DUSP5: variants seen among roughly 807,000 people sequenced by gnomAD.
The protein encoded by DUSP5 is dual specificity protein phosphatase 5.
Under a neutral mutation model 33.6 loss-of-function variants are expected in DUSP5, and 22 were observed. That is an observed-to-expected ratio of 0.66 (90% CI 0.47 to 0.94). DUSP5 has a LOEUF of 0.94. DUSP5 is among the 40% of genes least tolerant of loss of function. DUSP5 has a pLI of 0.00. For synonymous variants in DUSP5, 270 were observed against 231.1 expected (o/e 1.17, Z -1.53); for missense variants, 551 against 522.1 (o/e 1.06, Z -0.54).
chr10:110,503,125 C>G (rs991312860), intron 2 of DUSP5, among the ~76,000 whole-genome samples: 1 of 152,148 alleles, frequency 6.6e-6, no homozygotes, highest in Non-Finnish European at 1.5e-5. Context: ...TGCTTGGCAG[C>G]TTCTGGGGAA....
At chr10:110,499,301 C>CTT (rs1201421883) in intron 1 of DUSP5, among the ~76,000 whole-genome samples, 1 of 152,174 alleles carries the variant, frequency 6.6e-6, no homozygotes. Flanking sequence ...ATAACTTTGG[C>CTT]TTCTGGTGGT....
intron 2 of DUSP5, 38 bp downstream of exon 2, chr10:110,502,907 A>T (rs780380758): frequency 6.2e-7 from 1 of 1,611,198 alleles, no homozygotes. Flanking sequence ...CCTGAGTGGT[A>T]TTCTGGGCTC....
chr10:110,498,364 C>A lies in DUSP5; in HGVS notation c.243C>A (p.Gly81=). 1 of 1,399,604 alleles carries A rather than the reference C, an allele frequency of 7.1e-7. No homozygotes were observed. Among genetic ancestry groups the A allele is most frequent in the African/African-American group, 1.5e-5 (1 of 67,364 alleles). The allele number at this position is 1,399,604 out of a possible 1,614,324, so 86.7% of individuals were successfully genotyped here. Reference sequence around the variant, plus strand: ...CGCGGCTCCTGCAGGAGGGCGGCGGCGGCGTCGCGGCCGTGGTGGTGCTGG... The same window carrying A: ...CGCGGCTCCTGCAGGAGGGCGGCGGAGGCGTCGCGGCCGTGGTGGTGCTGG... ...ARARLLQEGG[G]GVAAVVVLDQ... is the part of the protein sequence containing the mutation. The change falls in exon 1 of 4, where the codon GGC becomes GGA. Residue 81 remains glycine (G), a synonymous_variant. Coordinates refer to ENST00000369583, the MANE Select transcript of DUSP5 (RefSeq NM_004419.4).
At chr10:110,498,761 T>TGCTGCTGTTTAGCAGTTTGGGGGCC (rs1859998121) in intron 1 of DUSP5, among the ~76,000 whole-genome samples, 2 of 152,032 alleles carry the variant, frequency 1.3e-5, no homozygotes, top group African/African-American at 4.8e-5. Context: ...CTGCGGGGGC[T>TGCTGCTGTTTAGCAGTTTGGGGGCC]GCTGCTGTTT....
At chr10:110,505,737 C>A (rs577284733) in intron 2 of DUSP5, among the ~76,000 whole-genome samples, 2 of 152,194 alleles carry the variant, frequency 1.3e-5, no homozygotes, top group Non-Finnish European at 2.9e-5. Context: ...CTAAGGGCTC[C>A]CATTTTTCCA....
At chr10:110,506,150 C>T (rs1396617870) in intron 2 of DUSP5, among the ~76,000 whole-genome samples, 1 of 152,144 alleles carries the variant, frequency 6.6e-6, no homozygotes, top group Admixed American at 6.5e-5. Context: ...ACCATATAGG[C>T]TAGGCTTGGT....
intron 1 of DUSP5, among the ~76,000 whole-genome samples, chr10:110,500,532 A>G (rs1414412342): frequency 6.6e-6 from 1 of 152,220 alleles, no homozygotes; most frequent in African/African-American, 2.4e-5. Context: ...ATCTGGTGGC[A>G]TCTCAGATCT....
chr10:110,500,117 A>AT (rs1399851991), intron 1 of DUSP5, among the ~76,000 whole-genome samples: 1 of 152,176 alleles, frequency 6.6e-6, no homozygotes, highest in East Asian at 1.9e-4. Context: ...GTCGTCAACT[A>AT]TTTTTTGTTT....
chr10:110,498,164 C>G lies in DUSP5; in HGVS notation c.43C>G (p.Leu15Val). ...CGACGGGCGCCAGCTGCGCAAGATG[C>G]TCCGCAAGGAGGCGGCGGCGCGCTG... ...SLDGRQLRKM[L>V]RKEAAARCVV... The change falls in exon 1 of 4, where the codon CTC (leucine) becomes GTC (valine). Residue 15 changes from leucine to valine, a missense_variant. Physicochemically the swap from Leu to Val is conservative, Grantham distance 32. Transcript: ENST00000369583. The G allele has an allele frequency of 6.7e-7, 1 of 1,482,526 alleles. No homozygotes were observed. The highest frequency in any genetic ancestry group is 9.0e-7 in the Non-Finnish European group (1 of 1,114,534). The allele number at this position is 1,482,526 out of a possible 1,614,324, so 91.8% of individuals were successfully genotyped here.
rs1377176160 is a variant in DUSP5, at chr10:110,498,104, G to T, written c.-18G>T. On this transcript the variant is annotated 5_prime_UTR_variant, in exon 1 of 4. Coordinates refer to ENST00000369583, the MANE Select transcript of DUSP5 (RefSeq NM_004419.4). The stretch of plus-strand genomic sequence containing the variant: ...CGGGGCGCGCGGCGCGGGGCCGCTG[G>T]CCGGCGGCGGCGGCGGCATGAAGGT... The T allele has an allele frequency of 7.7e-7, 1 of 1,290,648 alleles. No homozygotes were observed. 79.9% of individuals were successfully genotyped at this position (1,290,648 alleles called of 1,614,324 possible).
Position 110,510,714 on chromosome 10 carries a change from GC to G in DUSP5, c.*290del, listed in dbSNP as rs1860181531. ...GCCCAGTCCTTGCACCTCAGAGTTC[GC>G]CTTTTCATTTCAAGCATAAGGCAAT... is the stretch of plus-strand genomic sequence containing the variant. On this transcript the variant is annotated 3_prime_UTR_variant, in exon 4 of 4. Transcript: ENST00000369583. The G allele has an allele frequency of 2.7e-5, 9 of 339,026 alleles. No homozygotes were observed. In the Admixed American group the frequency reaches 2.8e-4, roughly 10 times the overall value. The allele number at this position is 339,026 out of a possible 1,614,324, so 21.0% of individuals were successfully genotyped here. A position where few individuals can be genotyped will look rare whatever the true frequency, so the allele number is the denominator to read the frequency against.
rs376373405 is a variant in DUSP5, at chr10:110,498,475, C to T, written c.354C>T (p.Ala118=). The T allele has an allele frequency of 3.2e-6, 5 of 1,543,612 alleles. No homozygotes were observed. In the African/African-American group the frequency reaches 4.2e-5, roughly 13 times the overall value. The change falls in exon 1 of 4, where the codon GCC becomes GCT. Residue 118 remains alanine, a synonymous_variant. Coordinates refer to ENST00000369583, the MANE Select transcript of DUSP5 (RefSeq NM_004419.4). Reference sequence around the variant, plus strand: ...CCTCGCTACTCGCTTGCCTACCCGCCGGCCCGCGGGTCTACTTCCTCAAAG... The same window carrying T: ...CCTCGCTACTCGCTTGCCTACCCGCTGGCCCGCGGGTCTACTTCCTCAAAG... ...VLTSLLACLP[A]GPRVYFLKGG...
chr10:110,501,749 C>T (rs973895011), intron 1 of DUSP5, among the ~76,000 whole-genome samples: 6 of 152,164 alleles, frequency 3.9e-5, no homozygotes, highest in Non-Finnish European at 1.5e-5. Flanking sequence ...CAAGGCTGGC[C>T]TGTTGCACCT....
chr10:110,506,575 G>A (rs1182317885), intron 2 of DUSP5, among the ~76,000 whole-genome samples: 1 of 152,196 alleles, frequency 6.6e-6, no homozygotes, highest in African/African-American at 2.4e-5. Context: ...TACTCTCAGG[G>A]CAGCTGTAAC....
At position 110,498,287 on chromosome 10, in the gene DUSP5, C is replaced by A. The variant is rs369887116; in HGVS notation, c.166C>A (p.Arg56=). ...NLNSVVLRRA[R]GGAVSARYVL... ...CAACTCGGTGGTGCTGCGGCGGGCC[C>A]GGGGCGGCGCGGTGTCGGCGCGCTA... Residue 56 remains arginine (R), a synonymous_variant, in exon 1 of 4, where the codon CGG becomes AGG. Coordinates refer to ENST00000369583, the MANE Select transcript of DUSP5 (RefSeq NM_004419.4). The A allele has an allele frequency of 4.9e-6, 7 of 1,442,846 alleles. No homozygotes were observed. Among genetic ancestry groups the A allele is most frequent in the Non-Finnish European group, 6.4e-6 (7 of 1,091,266 alleles). 89.4% of individuals were successfully genotyped at this position (1,442,846 alleles called of 1,614,324 possible). A position where few individuals can be genotyped will look rare whatever the true frequency, so the allele number is the denominator to read the frequency against.
chr10:110,501,438 G>T (rs116803019), intron 1 of DUSP5, among the ~76,000 whole-genome samples: 1 of 152,230 alleles, frequency 6.6e-6, no homozygotes, highest in Admixed American at 6.5e-5. Flanking sequence ...GAGAGGAAGC[G>T]GTAATGGCAA....
Position 110,510,121 on chromosome 10 carries a change from T to A in DUSP5, c.850T>A (p.Phe284Ile). The A allele has an allele frequency of 6.2e-7, 1 of 1,614,142 alleles. No homozygotes were observed. Among genetic ancestry groups the A allele is most frequent in the Non-Finnish European group, 8.5e-7 (1 of 1,180,032 alleles). Reference sequence around the variant, plus strand: ...GGCTTACCTTATGAAGACCAAGCAGTTCCGCCTGAAGGAGGCCTTCGATTA... The same window carrying A: ...GGCTTACCTTATGAAGACCAAGCAGATCCGCCTGAAGGAGGCCTTCGATTA... The part of the protein sequence containing the change: ...CMAYLMKTKQ[F>I]RLKEAFDYIK... The change falls in exon 4 of 4, where the codon TTC becomes ATC. Residue 284 changes from phenylalanine to isoleucine, a missense_variant. This residue lies in a region of DUSP5 where 158 missense variants were observed against 181.8 expected (regional missense o/e 0.87). Transcript: ENST00000369583.
At chr10:110,505,616 C>T (rs570741428) in intron 2 of DUSP5, among the ~76,000 whole-genome samples, 6 of 152,114 alleles carry the variant, frequency 3.9e-5, no homozygotes, top group African/African-American at 7.2e-5. Context: ...GTTTCCATTC[C>T]GTTCTTATTC....
At chr10:110,504,796 C>G (rs1860098575) in intron 2 of DUSP5, among the ~76,000 whole-genome samples, 1 of 152,220 alleles carries the variant, frequency 6.6e-6, no homozygotes, top group African/African-American at 2.4e-5. Context: ...ATCTCTATGA[C>G]AGTGGCAGCT....
Sources: allele counts gnomAD v4.1 joint callset (sites outside exome capture counted in the v4.1 genomes callset), GRCh38; gene constraint gnomAD v4.1.1; regional missense constraint gnomAD v4.1.1; transcripts MANE v1.5; gene names NCBI Gene and HGNC (gene_info 2026-07-23, HGNC 2026-07-21).